PTPRN2: variants seen among roughly 807,000 people sequenced by gnomAD.
PTPRN2 encodes protein tyrosine phosphatase receptor type N2.
A neutral mutation model predicts 118.8 loss-of-function variants in PTPRN2; 74 were observed. The observed-to-expected ratio is 0.62, with a 90% CI of 0.52 to 0.76. PTPRN2 has a LOEUF of 0.76. Among genes scored for constraint, PTPRN2 ranks in the 30% least tolerant of loss-of-function variants. The pLI is 0.00. For synonymous variants in PTPRN2, 641 were observed against 608.0 expected, an observed-to-expected ratio of 1.05 and a Z score of -0.80; for missense variants, 1,481 against 1,394.4, an observed-to-expected ratio of 1.06 and a Z score of -0.99.
intron 2 of PTPRN2, among the ~76,000 whole-genome samples, chr7:158,449,721 G>A (rs1229716338): frequency 6.6e-6 from 1 of 152,198 alleles, no homozygotes; most frequent in Non-Finnish European, 1.5e-5. Flanking sequence ...GAGCCAGGAT[G>A]AGTGGAGAGC....
At chr7:157,998,817 CA>C (rs1213090372) in intron 11 of PTPRN2, among the ~76,000 whole-genome samples, 1,949 of 59,160 alleles carry the variant, frequency 0.033, 9 homozygotes, top group East Asian at 0.079. Flanking sequence ...TACTCCATCT[CA>C]AAAAAAAAAA....
chr7:157,853,695 G>A (rs1394941605), intron 12 of PTPRN2, among the ~76,000 whole-genome samples: 2 of 152,164 alleles, frequency 1.3e-5, no homozygotes, highest in Non-Finnish European at 2.9e-5. Context: ...CACACGTGCG[G>A]AGATGCTCCA....
At chr7:158,445,019 T>C (rs900345119) in intron 2 of PTPRN2, among the ~76,000 whole-genome samples, 5 of 152,168 alleles carry the variant, frequency 3.3e-5, no homozygotes, top group Non-Finnish European at 7.4e-5. Flanking sequence ...CCGTGAGACC[T>C]GCCACCGTGA....
intron 12 of PTPRN2, among the ~76,000 whole-genome samples, chr7:157,707,970 G>C (rs1305624595): frequency 1.3e-5 from 2 of 152,234 alleles, no homozygotes; most frequent in Non-Finnish European, 2.9e-5. Context: ...CAAAAATAAA[G>C]TCCTTGTGGA....
At chr7:158,305,129 GT>G (rs1321245890) in intron 3 of PTPRN2, among the ~76,000 whole-genome samples, 1 of 152,168 alleles carries the variant, frequency 6.6e-6, no homozygotes, top group Non-Finnish European at 1.5e-5. Context: ...GATAAGGTGT[GT>G]CCAAACACCC....
At chr7:157,946,449 TAAAG>T (rs1360965070) in intron 11 of PTPRN2, among the ~76,000 whole-genome samples, 2 of 152,214 alleles carry the variant, frequency 1.3e-5, no homozygotes, top group African/African-American at 4.8e-5. Context: ...TGTCCCAAAA[TAAAG>T]ACTCTGCATG....
intron 2 of PTPRN2, among the ~76,000 whole-genome samples, chr7:158,333,915 A>G: frequency 7.0e-6 from 1 of 143,058 alleles, no homozygotes; most frequent in Non-Finnish European, 1.5e-5. Context: ...GACGTCACTC[A>G]CACCCACACT....
chr7:158,350,187 C>CCATTGAG (rs945850939), intron 2 of PTPRN2, among the ~76,000 whole-genome samples: 1 of 152,186 alleles, frequency 6.6e-6, no homozygotes, highest in Non-Finnish European at 1.5e-5. Context: ...GATGGAGGCT[C>CCATTGAG]CATTGAGCAT....
chr7:157,898,797 A>T, intron 11 of PTPRN2, 60 bp from the exon 12 acceptor site: 2 of 1,413,100 alleles, frequency 1.4e-6, no homozygotes, highest in South Asian at 1.2e-5. Context: ...GTCTCCGGGC[A>T]CCTCTGAGTA....
intron 11 of PTPRN2, among the ~76,000 whole-genome samples, chr7:157,984,508 G>T (rs62475450): frequency 3.0e-5 from 4 of 135,278 alleles, no homozygotes; most frequent in African/African-American, 1.1e-4. Flanking sequence ...CAGCGGCACC[G>T]GTTCTGGCTG....
At chr7:157,541,453 C>T (rs1166578504) in intron 22 of PTPRN2, among the ~76,000 whole-genome samples, 1 of 152,252 alleles carries the variant, frequency 6.6e-6, no homozygotes, top group Non-Finnish European at 1.5e-5. Context: ...CCAGTGGGCA[C>T]GAGGGACGGG....
At chr7:158,071,817 G>A (rs1209039048) in intron 11 of PTPRN2, among the ~76,000 whole-genome samples, 4 of 80,884 alleles carry the variant, frequency 4.9e-5, no homozygotes, top group Non-Finnish European at 9.3e-5. Flanking sequence ...GGTGCTCGTC[G>A]TATGGAGGTG....
At chr7:158,452,142 T>C (rs952931271) in intron 2 of PTPRN2, among the ~76,000 whole-genome samples, 1 of 152,230 alleles carries the variant, frequency 6.6e-6, no homozygotes, top group Non-Finnish European at 1.5e-5. Context: ...TTCCCCACTC[T>C]GGCTTAAGTG....
At chr7:157,605,678 C>T (rs1009351872) in intron 15 of PTPRN2, among the ~76,000 whole-genome samples, 10 of 152,186 alleles carry the variant, frequency 6.6e-5, no homozygotes, top group Non-Finnish European at 1.3e-4. Context: ...CAGGGGGTCC[C>T]GATGAGTGTT....
At chr7:157,658,932 C>T (rs984642260) in intron 13 of PTPRN2, among the ~76,000 whole-genome samples, 5 of 152,062 alleles carry the variant, frequency 3.3e-5, no homozygotes, top group Admixed American at 2.0e-4. Flanking sequence ...CAGCCGTGTG[C>T]GTCAAAGGCC....
chr7:157,859,546 C>T (rs148782176), intron 12 of PTPRN2, among the ~76,000 whole-genome samples: 127 of 20,642 alleles, frequency 6.2e-3, no homozygotes, highest in Non-Finnish European at 9.9e-3. Flanking sequence ...GCCCCCCAGC[C>T]ACCACCCACA....
At chr7:157,846,755 C>T (rs1196760601) in intron 12 of PTPRN2, among the ~76,000 whole-genome samples, 1 of 149,660 alleles carries the variant, frequency 6.7e-6, no homozygotes, top group East Asian at 2.0e-4. Flanking sequence ...ATCATGCGTG[C>T]CCGATGTCTA....
intron 2 of PTPRN2, among the ~76,000 whole-genome samples, chr7:158,395,743 G>A (rs1358087734): frequency 7.4e-5 from 2 of 27,000 alleles, no homozygotes; most frequent in Non-Finnish European, 1.7e-4. Flanking sequence ...AGGGGAGAGG[G>A]GCGAGGGGTG....
chr7:157,693,203 G>A (rs1797601577), intron 12 of PTPRN2, among the ~76,000 whole-genome samples: 1 of 152,064 alleles, frequency 6.6e-6, no homozygotes, highest in African/African-American at 2.4e-5. Context: ...CCTCAGCCTG[G>A]CTGGTAACCG....
Sources: gnomAD v4.1 joint callset for allele counts (sites outside exome capture counted in the v4.1 genomes callset) on GRCh38, gnomAD v4.1.1 for gene constraint, MANE v1.5 for transcripts, NCBI Gene and HGNC (gene_info 2026-07-23, HGNC 2026-07-21) for gene names.